FRMPD2: variants seen among roughly 807,000 people sequenced by gnomAD.
FRMPD2 encodes FERM and PDZ domain containing 2, also known as FERM and PDZ domain-containing protein 2.
In FRMPD2, 96 loss-of-function variants were observed where a neutral mutation model predicts 140.1. The observed-to-expected ratio is 0.69, with a 90% CI of 0.58 to 0.81. The LOEUF is 0.81. FRMPD2 is among the 40% of genes least tolerant of loss of function. FRMPD2 has a pLI of 0.00. For missense variants in FRMPD2, 1,240 were observed against 1,447.4 expected (o/e 0.86, Z 2.32); for synonymous variants, 449 against 547.6 (o/e 0.82, Z 2.52).
At chr10:48,234,136 C>A (rs541701611) in intron 9 of FRMPD2, among the ~76,000 whole-genome samples, 2 of 152,168 alleles carry the variant, frequency 1.3e-5, no homozygotes, top group East Asian at 3.9e-4. Context: ...TTTCACCCTG[C>A]GTGGGGCATG....
At chr10:48,241,415 C>T (rs1840101683) in intron 5 of FRMPD2, among the ~76,000 whole-genome samples, 1 of 152,214 alleles carries the variant, frequency 6.6e-6, no homozygotes, top group Non-Finnish European at 1.5e-5. Context: ...CATCCTATCC[C>T]AGCTCCACTC....
chr10:48,220,320 A>C (rs1839553363), intron 12 of FRMPD2, among the ~76,000 whole-genome samples: 1 of 152,224 alleles, frequency 6.6e-6, no homozygotes, highest in Non-Finnish European at 1.5e-5. Context: ...CAAAGCAAAC[A>C]AAAACATAAA....
intron 5 of FRMPD2, among the ~76,000 whole-genome samples, chr10:48,241,471 G>A (rs963780100): frequency 7.2e-5 from 11 of 152,226 alleles, no homozygotes; most frequent in African/African-American, 2.7e-4. Context: ...CTGCAACAGA[G>A]CTCCCCAGGG....
intron 12 of FRMPD2, among the ~76,000 whole-genome samples, chr10:48,219,794 G>T (rs1003476809): frequency 6.6e-6 from 1 of 152,170 alleles, no homozygotes; most frequent in African/African-American, 2.4e-5. Flanking sequence ...ACTATCATTG[G>T]CAGTTAAATC....
At chr10:48,217,206 T>C (rs1839471056) in intron 12 of FRMPD2, among the ~76,000 whole-genome samples, 1 of 152,232 alleles carries the variant, frequency 6.6e-6, no homozygotes, top group South Asian at 2.1e-4. Flanking sequence ...TCAACTCCAT[T>C]CATTCACAGC....
intron 4 of FRMPD2, among the ~76,000 whole-genome samples, chr10:48,244,383 C>T (rs1388560245): frequency 6.6e-6 from 1 of 152,202 alleles, no homozygotes; most frequent in Non-Finnish European, 1.5e-5. Flanking sequence ...GAGCATTTAC[C>T]CAAATCTATT....
chr10:48,268,350 A>G (rs866786874), intron 1 of FRMPD2, among the ~76,000 whole-genome samples: 1 of 152,242 alleles, frequency 6.6e-6, no homozygotes, highest in Non-Finnish European at 1.5e-5. Flanking sequence ...AGAAAAACTA[A>G]ACATACTCTT....
intron 12 of FRMPD2, among the ~76,000 whole-genome samples, chr10:48,217,604 G>T (rs1429801): frequency 5.9e-5 from 9 of 152,142 alleles, no homozygotes; most frequent in African/African-American, 2.2e-4. Flanking sequence ...ATTGCATATA[G>T]AAAGGATGCT....
intron 12 of FRMPD2, among the ~76,000 whole-genome samples, chr10:48,216,062 T>C (rs2131890979): frequency 6.6e-6 from 1 of 152,312 alleles, no homozygotes; most frequent in Middle Eastern, 3.4e-3. Flanking sequence ...CCTGACTCTC[T>C]TCATGCCAGT....
chr10:48,216,839 C>G (rs575208396), intron 12 of FRMPD2, among the ~76,000 whole-genome samples: 2 of 152,340 alleles, frequency 1.3e-5, no homozygotes, highest in East Asian at 3.9e-4. Context: ...TTCACTGGGA[C>G]ACTCCTGGCT....
intron 1 of FRMPD2, among the ~76,000 whole-genome samples, chr10:48,269,251 C>T (rs1488584526): frequency 2.6e-5 from 4 of 152,210 alleles, no homozygotes; most frequent in Non-Finnish European, 4.4e-5. Flanking sequence ...CCTCTCATAA[C>T]ACCCATTAAC....
rs1316607205 is a variant in FRMPD2 at position 48,265,707 on chromosome 10, AAAAAAT to A, written c.25+8830_25+8835del. On this transcript the variant is annotated intron_variant, in intron 1 of 28. Transcript: ENST00000374201. Reference sequence around the variant, plus strand: ...GGTCAGAATGGCTATTAATAAAAAGAAAAAATAACAGATGCTGGTGAGGTTGCAGAG... The same window carrying A: ...GGTCAGAATGGCTATTAATAAAAAGAAACAGATGCTGGTGAGGTTGCAGAG... Among the ~76,000 whole-genome samples the A allele has an allele frequency of 2.0e-5, 3 of 151,860 alleles. No individual in the cohort carries two copies. The East Asian group carries it at 5.8e-4, about 29-fold the overall frequency.
chr10:48,171,397 G>A (rs1339623360), intron 25 of FRMPD2, among the ~76,000 whole-genome samples, 189 bp from the exon 26 acceptor site: 1 of 151,658 alleles, frequency 6.6e-6, no homozygotes, highest in African/African-American at 2.4e-5. Context: ...TATAATGTGA[G>A]CTATAAATAC....
At chr10:48,254,124 A>AGGGAG (rs1840443949) in intron 1 of FRMPD2, among the ~76,000 whole-genome samples, 4 of 152,156 alleles carry the variant, frequency 2.6e-5, no homozygotes, top group African/African-American at 9.6e-5. Flanking sequence ...TACAGAAGGA[A>AGGGAG]ATGTGTGCAT....
chr10:48,240,594 T>C (rs1425062170), intron 5 of FRMPD2, 102 bp from the exon 6 acceptor site: 1 of 1,509,022 alleles, frequency 6.6e-7, no homozygotes, highest in Admixed American at 1.7e-5. Context: ...TGTGGAATTG[T>C]CTGCCCTATA....
intron 20 of FRMPD2, 46 bp downstream of exon 20, chr10:48,184,520 A>T: frequency 8.4e-7 from 1 of 1,195,220 alleles, no homozygotes; most frequent in Admixed American, 1.7e-5. Context: ...TGTACTCCTG[A>T]AAACAGGGGA....
At chr10:48,214,383 T>C (rs1033392305) in intron 12 of FRMPD2, among the ~76,000 whole-genome samples, 3 of 152,234 alleles carry the variant, frequency 2.0e-5, no homozygotes, top group Admixed American at 2.0e-4. Flanking sequence ...ACCCATAGAA[T>C]GTACAACATC....
rs1840384117 is a variant in FRMPD2, at chr10:48,251,606, C to G, written c.111G>C (p.Leu37=). ...ALSEEEIWSL[L]FLAAEQLLED... ...CCAGGAGCTGCTCAGCGGCCAGGAA[C>G]AGGAGGGACCAGATTTCCTCCTCAG... The change falls in exon 2 of 29, where the codon CTG becomes CTC. Residue 37 remains leucine, a synonymous_variant. Coordinates refer to ENST00000374201, the MANE Select transcript of FRMPD2 (RefSeq NM_001018071.4). The G allele has an allele frequency of 6.2e-7, 1 of 1,614,250 alleles. No homozygotes were observed. Among genetic ancestry groups the G allele is most frequent in the Non-Finnish European group, 8.5e-7 (1 of 1,180,034 alleles).
intron 8 of FRMPD2, among the ~76,000 whole-genome samples, chr10:48,237,066 C>T (rs1442958702): frequency 6.6e-6 from 1 of 151,862 alleles, no homozygotes; most frequent in Non-Finnish European, 1.5e-5. Flanking sequence ...AGCTATCCCC[C>T]TGTGGGGTGC....
Sources: allele counts gnomAD v4.1 joint callset (sites outside exome capture counted in the v4.1 genomes callset), GRCh38; gene constraint gnomAD v4.1.1; transcripts MANE v1.5; gene names NCBI Gene and HGNC (gene_info 2026-07-23, HGNC 2026-07-21).